The following LYAR variants were observed in gnomAD, a reference collection of about 807,000 sequenced individuals.
LYAR encodes cell growth-regulating nucleolar protein.
In LYAR, 37 loss-of-function variants were observed where a neutral mutation model predicts 45.2. The ratio of observed to expected loss-of-function variants is 0.82; its 90% CI spans 0.63 to 1.08. LYAR has a LOEUF of 1.08. Among genes scored for constraint, LYAR ranks in the 50% least tolerant of loss-of-function variants. The pLI is 0.00. For missense variants in LYAR, 493 were observed against 451.0 expected (o/e 1.09, Z -0.84); for synonymous variants, 176 against 155.1 (o/e 1.14, Z -1.00).
At chr4:4,273,530 C>G in intron 8 of LYAR, 53 bp downstream of exon 8, 1 of 1,338,430 alleles carries the variant, frequency 7.5e-7, no homozygotes, top group African/African-American at 1.5e-5. Flanking sequence ...CTGGGACTAT[C>G]AGCGAGAGCC....
rs769739867 is a variant in LYAR at position 4,268,570 on chromosome 4, G to A, written c.965C>T (p.Ala322Val). ...KGTIKAILKQ[A>V]PDNEITIKKL... ...TTTGATGGTTATTTCATTGTCTGGG[G>A]CCTGTTTCAGAATTGCTTTAATAGT... is the stretch of plus-strand genomic sequence containing the variant. Residue 322 changes from alanine (A) to valine (V), a missense_variant, in exon 9 of 10, where the codon GCC becomes GTC. By Grantham distance (64) the Ala-to-Val change is moderately conservative. Transcript: ENST00000343470. The A allele has an allele frequency of 6.2e-7, 1 of 1,612,124 alleles. No homozygotes were observed. Among genetic ancestry groups the A allele is most frequent in the South Asian group, 1.1e-5 (1 of 90,792 alleles).
At chr4:4,283,441 G>A (rs1310334864) in intron 3 of LYAR, among the ~76,000 whole-genome samples, 180 bp downstream of exon 3, 3 of 152,186 alleles carry the variant, frequency 2.0e-5, no homozygotes, top group Non-Finnish European at 2.9e-5. Context: ...GAGCCACTGC[G>A]CCCGGCCTAG....
chr4:4,279,301 C>T (rs1719305501), intron 6 of LYAR, 146 bp downstream of exon 6: 1 of 606,354 alleles, frequency 1.6e-6, no homozygotes, highest in Non-Finnish European at 2.9e-6. Context: ...CACTGCACTG[C>T]AGCCTGGGCA....
In LYAR at chr4:4,274,466, C is replaced by A. The variant is rs777327034; in HGVS notation, c.733G>T (p.Ala245Ser). 1.2e-5 allele frequency: 19 copies of A among 1,614,182 alleles called. No individual in the cohort carries two copies. Among genetic ancestry groups the A allele is most frequent in the Non-Finnish European group, 1.4e-5 (17 of 1,180,022 alleles). ...GEEVPEANGS[A>S]GKRSKKKKQR... ...TTCTTCTTCTTGCTCCTCTTCCCTGCAGAGCCATTGGCCTCAGGGACTTCC... is the reference window on the plus strand; with the variant it reads ...TTCTTCTTCTTGCTCCTCTTCCCTGAAGAGCCATTGGCCTCAGGGACTTCC... Residue 245 changes from alanine to serine, a missense_variant, in exon 7 of 10, where the codon GCA becomes TCA. By Grantham distance (99) the Ala-to-Ser change is moderately conservative (BLOSUM62 1). Transcript: ENST00000343470.
At chr4:4,268,704 T>C (rs2108835324) in intron 8 of LYAR, 89 bp from the exon 9 acceptor site, 4 of 786,686 alleles carry the variant, frequency 5.1e-6, no homozygotes, top group Middle Eastern at 3.7e-4. Context: ...CCTATTTGCT[T>C]CCCAGGAAAT....
intron 1 of LYAR, among the ~76,000 whole-genome samples, chr4:4,288,137 T>C (rs1719686606): frequency 6.6e-6 from 1 of 152,206 alleles, no homozygotes; most frequent in Non-Finnish European, 1.5e-5. Flanking sequence ...ATCTGTAAAA[T>C]GGATCTAATA....
intron 3 of LYAR, 127 bp downstream of exon 3, chr4:4,283,494 A>C (rs2980214): frequency 0.85 from 820,891 of 963,240 alleles, 350,505 homozygotes; most frequent in African/African-American, 0.89. Flanking sequence ...AATCAATGGA[A>C]CATACCAGTT....
intron 1 of LYAR, among the ~76,000 whole-genome samples, chr4:4,287,108 G>GC (rs1719649582): frequency 1.3e-5 from 2 of 152,158 alleles, no homozygotes; most frequent in Admixed American, 6.5e-5. Flanking sequence ...AAAGACAGCA[G>GC]TTTTTTCATG....
intron 4 of LYAR, among the ~76,000 whole-genome samples, chr4:4,280,862 T>C (rs946080759): frequency 3.3e-5 from 5 of 152,260 alleles, no homozygotes; most frequent in Non-Finnish European, 7.3e-5. Context: ...TACTTTTTAT[T>C]GGTTTTTAGA....
chr4:4,273,504 C>T (rs544129155), intron 8 of LYAR, 79 bp downstream of exon 8: 23 of 1,018,494 alleles, frequency 2.3e-5, no homozygotes, highest in Middle Eastern at 2.5e-4. Context: ...CCCTCCTGCC[C>T]CTGCCTCTGA....
chr4:4,289,785 A>C (rs542617249), intron 1 of LYAR: 1 of 152,420 alleles, frequency 6.6e-6, no homozygotes, highest in East Asian at 1.9e-4. Context: ...TCGGGCGGTG[A>C]CCAATCGTCC....
chr4:4,268,826 G>A (rs1718813228), intron 8 of LYAR: 2 of 461,452 alleles, frequency 4.3e-6, no homozygotes, highest in Non-Finnish European at 7.6e-6. Flanking sequence ...GTGAGCAGGT[G>A]CCCATGTGCT....
intron 8 of LYAR, among the ~76,000 whole-genome samples, chr4:4,270,268 TAA>T (rs11377872): frequency 8.9e-4 from 108 of 121,970 alleles, no homozygotes; most frequent in African/African-American, 3.2e-3. Context: ...TGTTGATTTG[TAA>T]AAAAAAAAAA....
At chr4:4,281,082 A>C (rs925923686) in intron 4 of LYAR, among the ~76,000 whole-genome samples, 1 of 152,234 alleles carries the variant, frequency 6.6e-6, no homozygotes, top group African/African-American at 2.4e-5. Flanking sequence ...TGCATTGACG[A>C]AAGTATCTTT....
intron 8 of LYAR, among the ~76,000 whole-genome samples, chr4:4,273,208 C>G (rs902453802): frequency 6.6e-6 from 1 of 152,162 alleles, no homozygotes; most frequent in Non-Finnish European, 1.5e-5. Context: ...AACCAGACTG[C>G]TTTACTTTTC....
chr4:4,282,876 A>G (rs1385608855), intron 3 of LYAR, among the ~76,000 whole-genome samples: 1 of 152,150 alleles, frequency 6.6e-6, no homozygotes, highest in Non-Finnish European at 1.5e-5. Context: ...TTCCTCTGCT[A>G]CCAGTCATCT....
At chr4:4,287,056 G>T (rs1719647649) in intron 1 of LYAR, among the ~76,000 whole-genome samples, 1 of 152,166 alleles carries the variant, frequency 6.6e-6, no homozygotes, top group African/African-American at 2.4e-5. Flanking sequence ...CAGTCTGCCG[G>T]GCTCAGATGT....
Position 4,267,718 on chromosome 4 carries a change from G to C in LYAR, c.*171C>G, listed in dbSNP as rs1212035961. The C allele has an allele frequency of 4.0e-6, 2 of 496,018 alleles. No individual in the cohort carries two copies. The highest frequency in any genetic ancestry group is 4.0e-5 in the Admixed American group (1 of 24,970). 30.7% of individuals were successfully genotyped at this position (496,018 alleles called of 1,614,324 possible). On this transcript the variant is annotated 3_prime_UTR_variant, in exon 10 of 10. Transcript: ENST00000343470. The stretch of plus-strand genomic sequence containing the variant: ...ACAACAAATTTAGAAGTTTGGACCA[G>C]AATATATTTTATTTTTCTCATAAAA...
chr4:4,284,061 A>G (rs1937555652), intron 2 of LYAR, among the ~76,000 whole-genome samples: 1 of 152,242 alleles, frequency 6.6e-6, no homozygotes, highest in Admixed American at 6.5e-5. Context: ...CAGTAACCCT[A>G]TGAGGGAAGG....
Sources: allele counts gnomAD v4.1 joint callset (sites outside exome capture counted in the v4.1 genomes callset), GRCh38; gene constraint gnomAD v4.1.1; transcripts MANE v1.5; gene names NCBI Gene and HGNC (gene_info 2026-07-23, HGNC 2026-07-21).